The following SULF2 variants were observed in gnomAD, a reference collection of about 807,000 sequenced individuals.
The protein encoded by SULF2 is extracellular sulfatase Sulf-2.
A neutral mutation model predicts 107.7 loss-of-function variants in SULF2; 52 were observed. That is an observed-to-expected ratio of 0.48 (90% confidence interval 0.39 to 0.61). SULF2 has a LOEUF of 0.61. Ranked by LOEUF, SULF2 falls within the 20% of genes least tolerant of loss-of-function variation. SULF2 has a pLI of 0.00. For missense variants in SULF2, 993 were observed against 1,177.3 expected, an observed-to-expected ratio of 0.84 and a Z score of 2.29; for synonymous variants, 460 against 464.3, an observed-to-expected ratio of 0.99 and a Z score of 0.12.
rs114500828 is a variant in SULF2, at chr20:47,738,198, C to T, written c.176-1256G>A. ...GGCAAAGGCTGTGTGCTCCGCTCAG[C>T]GCTGAATCCTCAGCACTGCTGCCGT... On this transcript the variant is annotated intron_variant, in intron 2 of 20. Transcript: ENST00000688720. Among the ~76,000 whole-genome samples the T allele has an allele frequency of 7.3e-3, 1,116 of 152,336 alleles. 14 individuals are homozygous for T. Among genetic ancestry groups the T allele is most frequent in the African/African-American group, 0.024 (996 of 41,556 alleles).
chr20:47,706,303 C>T (rs1316069299), intron 3 of SULF2, among the ~76,000 whole-genome samples: 1 of 152,106 alleles, frequency 6.6e-6, no homozygotes, highest in Non-Finnish European at 1.5e-5. Flanking sequence ...ACTTCTGTAA[C>T]ACTCCTGGCC....
rs143860887 is a variant in SULF2, at chr20:47,658,434, G to A, written c.2583-42C>T. The A allele has an allele frequency of 6.2e-6, 10 of 1,605,996 alleles. No homozygotes were observed. In the Admixed American group the frequency reaches 6.7e-5, roughly 11 times the overall value. Reference sequence around the variant, plus strand: ...ACTCATCTTAGCACTTAGCTATCATGGTCTTTATCATGACTTCCTAATCGG... The same window carrying A: ...ACTCATCTTAGCACTTAGCTATCATAGTCTTTATCATGACTTCCTAATCGG... On this transcript the variant is annotated intron_variant, in intron 20 of 20. Coordinates refer to ENST00000688720, the MANE Select transcript of SULF2 (RefSeq NM_001387048.1).
chr20:47,737,370 T>C (rs2089761400), intron 2 of SULF2, among the ~76,000 whole-genome samples: 1 of 69,058 alleles, frequency 1.4e-5, no homozygotes, highest in African/African-American at 6.6e-5. Flanking sequence ...TTTTGTTTTT[T>C]CTTTTGGAAA....
intron 1 of SULF2, among the ~76,000 whole-genome samples, chr20:47,765,366 CA>C (rs1176743426): frequency 9.9e-4 from 82 of 83,098 alleles, no homozygotes; most frequent in African/African-American, 3.9e-3. Context: ...AAAAACAAAA[CA>C]AAACAAAAAA....
Position 47,682,917 on chromosome 20 carries a change from T to C in SULF2, c.1064+77A>G. 2.1e-6 allele frequency: 3 copies of C among 1,415,538 alleles called. No homozygotes were observed. In the South Asian group the frequency reaches 4.5e-5, roughly 21 times the overall value. The allele number at this position is 1,415,538 out of a possible 1,614,324, so 87.7% of individuals were successfully genotyped here. A position where few individuals can be genotyped will look rare whatever the true frequency, so the allele number is the denominator to read the frequency against. On this transcript the variant is annotated intron_variant, in intron 7 of 20. Transcript: ENST00000688720. ...AACTGTGTGCCACCCAGGGTGGGCTTGGGTTTGGGCTGCATGGTTGAAGCC... is the reference window on the plus strand; with the variant it reads ...AACTGTGTGCCACCCAGGGTGGGCTCGGGTTTGGGCTGCATGGTTGAAGCC...
At chr20:47,693,795 G>A (rs1369862023) in intron 4 of SULF2, among the ~76,000 whole-genome samples, 1 of 152,250 alleles carries the variant, frequency 6.6e-6, no homozygotes, top group Non-Finnish European at 1.5e-5. Flanking sequence ...ACCCAGGAGG[G>A]TGGGTCAGGG....
intron 2 of SULF2, among the ~76,000 whole-genome samples, chr20:47,737,469 T>C (rs66613734): frequency 0.041 from 6,228 of 152,324 alleles, 169 homozygotes; most frequent in Middle Eastern, 0.12. Context: ...AATCTGGTCA[T>C]GCCAACCTGG....
intron 2 of SULF2, among the ~76,000 whole-genome samples, chr20:47,745,611 C>T (rs978441873): frequency 1.3e-5 from 2 of 151,632 alleles, no homozygotes; most frequent in South Asian, 2.1e-4. Context: ...TCATTGCAAC[C>T]TCTGCCTCCT....
intron 5 of SULF2, chr20:47,689,874 A>G (rs901495287): frequency 2.7e-5 from 10 of 367,044 alleles, no homozygotes; most frequent in African/African-American, 4.2e-5. Flanking sequence ...ATGCAGTTCC[A>G]TCCACACACC....
chr20:47,736,692 T>C lies in SULF2; in HGVS notation c.415+11A>G. ...CACTCCCTTCCTGCACCTGCCCCCG[T>C]CCCTGCTCACCTGTCCGGTAGCCAG... On this transcript the variant is annotated intron_variant, in intron 3 of 20. Coordinates refer to ENST00000688720, the MANE Select transcript of SULF2 (RefSeq NM_001387048.1). The C allele has an allele frequency of 1.2e-6, 2 of 1,614,078 alleles. No homozygotes were observed. Among genetic ancestry groups the C allele is most frequent in the East Asian group, 4.5e-5 (2 of 44,872 alleles).
intron 4 of SULF2, among the ~76,000 whole-genome samples, chr20:47,702,225 G>T (rs1889171): frequency 0.57 from 86,617 of 151,882 alleles, 25,276 homozygotes; most frequent in Admixed American, 0.66. Context: ...ACCCGGCTAA[G>T]TTTTGTATTT....
At position 47,721,673 on chromosome 20, in the gene SULF2, A is replaced by G. The variant is rs2082369722; in HGVS notation, c.415+15030T>C. Among the ~76,000 whole-genome samples, 3 of 152,084 alleles carry G rather than the reference A, an allele frequency of 2.0e-5. No individual in the cohort carries two copies. The South Asian group carries it at 6.2e-4, about 31-fold the overall frequency. ...GCGTGAGCTACTGCGCCCGGCCTGC[A>G]TGTGGGTTTCTATAGTGGATATCTG... On this transcript the variant is annotated intron_variant, in intron 3 of 20. Coordinates refer to ENST00000688720, the MANE Select transcript of SULF2 (RefSeq NM_001387048.1).
rs141766381 is a variant in SULF2, at chr20:47,661,219, T to C, written c.2494+554A>G. Among the ~76,000 whole-genome samples, 442 of 151,874 alleles carry C rather than the reference T, an allele frequency of 2.9e-3. 1 individual carries two copies. Among genetic ancestry groups the C allele is most frequent in the African/African-American group, 9.3e-3 (383 of 41,394 alleles). ...GAGCTGCTTTCTGCTCCTCACACTTTAAGCTTCCTGGAGCGCCAGCCCTCC... is the reference window on the plus strand; with the variant it reads ...GAGCTGCTTTCTGCTCCTCACACTTCAAGCTTCCTGGAGCGCCAGCCCTCC... On this transcript the variant is annotated intron_variant, in intron 18 of 20. Transcript: ENST00000688720.
intron 2 of SULF2, among the ~76,000 whole-genome samples, chr20:47,754,211 A>G (rs566072855): frequency 1.3e-5 from 2 of 152,296 alleles, no homozygotes; most frequent in South Asian, 2.1e-4. Flanking sequence ...GACCCTAATG[A>G]GGATGGACGT....
intron 3 of SULF2, among the ~76,000 whole-genome samples, chr20:47,724,178 C>T (rs1289015553): frequency 1.3e-5 from 2 of 152,164 alleles, no homozygotes; most frequent in African/African-American, 2.4e-5. Flanking sequence ...CAGTGGGCAG[C>T]CGTAGGAGGT....
intron 11 of SULF2, among the ~76,000 whole-genome samples, chr20:47,671,166 C>T (rs2087457610): frequency 6.6e-6 from 1 of 152,238 alleles, no homozygotes; most frequent in Admixed American, 6.5e-5. Flanking sequence ...CCTCTCTCCA[C>T]TTCGCCTGCT....
chr20:47,701,544 C>T (rs939092819), intron 4 of SULF2, among the ~76,000 whole-genome samples: 1 of 152,228 alleles, frequency 6.6e-6, no homozygotes, highest in East Asian at 1.9e-4. Flanking sequence ...AACATGCACA[C>T]GCCCTGTGCT....
intron 1 of SULF2, among the ~76,000 whole-genome samples, chr20:47,760,409 T>C (rs1415161080): frequency 1.3e-5 from 2 of 151,904 alleles, no homozygotes; most frequent in East Asian, 1.9e-4. Context: ...ATGCAGCTCC[T>C]GCCTGGGGCC....
chr20:47,766,690 A>G (rs1394211876), intron 1 of SULF2, among the ~76,000 whole-genome samples: 1 of 152,246 alleles, frequency 6.6e-6, no homozygotes, highest in African/African-American at 2.4e-5. Context: ...TGGAGTTGAA[A>G]GATTCCAGCT....
Sources: allele counts gnomAD v4.1 joint callset (sites outside exome capture counted in the v4.1 genomes callset), GRCh38; gene constraint gnomAD v4.1.1; transcripts MANE v1.5; gene names NCBI Gene and HGNC (gene_info 2026-07-23, HGNC 2026-07-21).